Variants in TNS3 observed in about 807,000 individuals in gnomAD.
The protein encoded by TNS3 is tensin-3.
TNS3 carries 45 observed loss-of-function variants against 140.9 expected under a neutral mutation model. The observed-to-expected ratio is 0.32, with a 90% CI of 0.25 to 0.41. TNS3 has a LOEUF of 0.41. TNS3 is among the 10% of genes least tolerant of loss of function. The pLI is 1.00. For synonymous variants in TNS3, 815 were observed against 788.4 expected, an observed-to-expected ratio of 1.03 and a Z score of -0.56; for missense variants, 1,716 against 1,906.7, an observed-to-expected ratio of 0.90 and a Z score of 1.86.
At chr7:47,284,509 C>T (rs1051589090) in intron 27 of TNS3, among the ~76,000 whole-genome samples, 4 of 152,228 alleles carry the variant, frequency 2.6e-5, no homozygotes, top group African/African-American at 7.2e-5. Flanking sequence ...GGCTCCATAA[C>T]AACCCTTCTT....
Position 47,275,438 on chromosome 7 carries a change from T to C in TNS3, c.*2638A>G, listed in dbSNP as rs566039085. The C allele has an allele frequency of 3.0e-5, 5 of 169,324 alleles. No individual in the cohort carries two copies. Among genetic ancestry groups the C allele is most frequent in the Non-Finnish European group, 6.4e-5 (5 of 78,420 alleles). 10.5% of individuals were successfully genotyped at this position (169,324 alleles called of 1,614,324 possible). A position where few individuals can be genotyped will look rare whatever the true frequency, so the allele number is the denominator to read the frequency against. On this transcript the variant is annotated 3_prime_UTR_variant, in exon 31 of 31. Coordinates refer to ENST00000311160, the MANE Select transcript of TNS3 (RefSeq NM_022748.12). ...AGTTAGTAGGACCCTGGCTATAACA[T>C]GCGTTGGGCACAGTTCGTGAACTCT...
intron 1 of TNS3, among the ~76,000 whole-genome samples, chr7:47,580,308 T>G (rs1275997993): frequency 6.6e-6 from 1 of 152,176 alleles, no homozygotes; most frequent in African/African-American, 2.4e-5. Flanking sequence ...TACTCGTCTG[T>G]AAAATGGGGT....
At chr7:47,549,459 C>T (rs946087079) in intron 1 of TNS3, among the ~76,000 whole-genome samples, 1 of 152,062 alleles carries the variant, frequency 6.6e-6, no homozygotes, top group African/African-American at 2.4e-5. Context: ...CACGCCACTG[C>T]ACTCCAGCCC....
intron 20 of TNS3, among the ~76,000 whole-genome samples, chr7:47,330,346 C>T (rs973287190): frequency 2.0e-5 from 3 of 152,178 alleles, no homozygotes; most frequent in Non-Finnish European, 2.9e-5. Flanking sequence ...GGGCTCAGGC[C>T]CTTTGCAGGC....
At chr7:47,516,340 G>C (rs1798777840) in intron 2 of TNS3, among the ~76,000 whole-genome samples, 1 of 151,920 alleles carries the variant, frequency 6.6e-6, no homozygotes, top group Non-Finnish European at 1.5e-5. Flanking sequence ...ACTCTGCCAG[G>C]CTCCCATCTA....
At chr7:47,335,115 G>C (rs1329234767) in intron 20 of TNS3, among the ~76,000 whole-genome samples, 2 of 152,200 alleles carry the variant, frequency 1.3e-5, no homozygotes, top group African/African-American at 4.8e-5. Flanking sequence ...TTCAAGAAAA[G>C]CATGTCCATT....
intron 4 of TNS3, among the ~76,000 whole-genome samples, chr7:47,456,835 A>G (rs1205017638): frequency 6.6e-6 from 1 of 151,956 alleles, no homozygotes; most frequent in Non-Finnish European, 1.5e-5. Context: ...CAGCTGGGTA[A>G]CAACAGGTCC....
At position 47,439,573 on chromosome 7, in the gene TNS3, G is replaced by A. The variant is rs1795359054; in HGVS notation, c.64C>T (p.Pro22Ser). 1.2e-6 allele frequency: 2 copies of A among 1,613,996 alleles called. No homozygotes were observed. The highest frequency in any genetic ancestry group is 3.3e-5 in the Admixed American group (2 of 60,004). ...TAGGACTCCTCAGAGCAGCCGGCAG[G>A]GAAGGACACAGCGATGATGCGCTCC... ...ITERIIAVSF[P>S]AGCSEESYLH... The change falls in exon 6 of 31, where the codon CCT (proline) becomes TCT (serine). Residue 22 changes from proline to serine, a missense_variant. Transcript: ENST00000311160.
At chr7:47,325,336 C>T (rs1020636183) in intron 20 of TNS3, among the ~76,000 whole-genome samples, 1 of 152,090 alleles carries the variant, frequency 6.6e-6, no homozygotes, top group African/African-American at 2.4e-5. Context: ...TTTGTAAAAC[C>T]CTGTTTAACT....
rs1217311849 is a variant in TNS3 at position 47,439,626 on chromosome 7, C to T, written c.11G>A (p.Gly4Asp). Reference sequence around the variant, plus strand: ...GATGTAAGTGAGGTCCAGCCCATGGCCCTCCTCCATGGTGGGACTCAGGAT... The same window carrying T: ...GATGTAAGTGAGGTCCAGCCCATGGTCCTCCTCCATGGTGGGACTCAGGAT... MEE[G>D]HGLDLTYITE... The change falls in exon 6 of 31, where the codon GGC becomes GAC. Residue 4 changes from glycine to aspartate, a missense_variant. Physicochemically the swap from Gly to Asp is moderately conservative, Grantham distance 94 (BLOSUM62 -1). Around this residue, in one of 3 missense-constraint regions of TNS3, gnomAD observed 337 missense variants for 428.9 expected, o/e 0.79. Coordinates refer to ENST00000311160, the MANE Select transcript of TNS3 (RefSeq NM_022748.12). 1 of 1,613,898 alleles carries T rather than the reference C, an allele frequency of 6.2e-7. No homozygotes were observed. The highest frequency in any genetic ancestry group is 8.5e-7 in the Non-Finnish European group (1 of 1,179,970).
chr7:47,341,158 G>T (rs1372612822), intron 20 of TNS3, among the ~76,000 whole-genome samples: 2 of 152,126 alleles, frequency 1.3e-5, no homozygotes, highest in African/African-American at 4.8e-5. Context: ...GTTTTGTTAA[G>T]GAGTTTTGTA....
chr7:47,316,449 G>A lies in TNS3; in HGVS notation c.2651-11446C>T, dbSNP rs73695309. Reference sequence around the variant, plus strand: ...TGGGATCAGATTAGATGATTTCTAGGGTTTATTTAGCTAGGAATTTTTAAA... The same window carrying A: ...TGGGATCAGATTAGATGATTTCTAGAGTTTATTTAGCTAGGAATTTTTAAA... On this transcript the variant is annotated intron_variant, in intron 20 of 30. Transcript: ENST00000311160. 3.6e-3 allele frequency among the ~76,000 whole-genome samples: 541 copies of A among 152,026 alleles called. 3 individuals carry two copies. Among genetic ancestry groups the A allele is most frequent in the African/African-American group, 0.012 (500 of 41,478 alleles).
In TNS3 at chr7:47,491,101, G is replaced by A. The variant is rs188503025; in HGVS notation, c.-114-9960C>T. Among the ~76,000 whole-genome samples, 465 of 152,348 alleles carry A rather than the reference G, an allele frequency of 3.1e-3. 3 individuals are homozygous for A. The Middle Eastern group carries it at 0.031, about 10-fold the overall frequency. ...CGGCTGTGGCTTCAGCACGAGGCGG[G>A]CAGACATGACCCAGGACACTAGCCA... On this transcript the variant is annotated intron_variant, in intron 3 of 30. Coordinates refer to ENST00000311160, the MANE Select transcript of TNS3 (RefSeq NM_022748.12).
chr7:47,342,745 G>A (rs1789091857), intron 20 of TNS3, among the ~76,000 whole-genome samples: 1 of 152,192 alleles, frequency 6.6e-6, no homozygotes, highest in Admixed American at 6.5e-5. Context: ...GTGACCCATA[G>A]AATGTGACTG....
chr7:47,341,819 T>C (rs1236642215), intron 20 of TNS3, among the ~76,000 whole-genome samples: 2 of 152,070 alleles, frequency 1.3e-5, no homozygotes, highest in East Asian at 1.9e-4. Context: ...ACTATTCATT[T>C]CAGAATTTTC....
chr7:47,355,910 G>A (rs895440142), intron 17 of TNS3, among the ~76,000 whole-genome samples: 2 of 152,060 alleles, frequency 1.3e-5, no homozygotes, highest in Non-Finnish European at 2.9e-5. Context: ...GTTCAGGAGC[G>A]GACACCCACC....
chr7:47,288,204 G>C (rs1024152187), intron 27 of TNS3, among the ~76,000 whole-genome samples: 5 of 152,150 alleles, frequency 3.3e-5, no homozygotes, highest in African/African-American at 1.2e-4. Flanking sequence ...CGTGGGAGCT[G>C]AATGCCAGGC....
chr7:47,385,814 C>T (rs1225894762), intron 16 of TNS3, among the ~76,000 whole-genome samples: 1 of 152,150 alleles, frequency 6.6e-6, no homozygotes, highest in Non-Finnish European at 1.5e-5. Context: ...TAGTCAGGGG[C>T]CCAGCAGCAT....
At chr7:47,572,795 C>G (rs1024608550) in intron 1 of TNS3, among the ~76,000 whole-genome samples, 1 of 151,958 alleles carries the variant, frequency 6.6e-6, no homozygotes, top group Non-Finnish European at 1.5e-5. Flanking sequence ...ATTATTTGAA[C>G]CCGGGATGGG....
Sources: allele counts gnomAD v4.1 joint callset (sites outside exome capture counted in the v4.1 genomes callset), GRCh38; gene constraint gnomAD v4.1.1; regional missense constraint gnomAD v4.1.1; transcripts MANE v1.5; gene names NCBI Gene and HGNC (gene_info 2026-07-23, HGNC 2026-07-21).